CLUL1: variants seen among roughly 807,000 people sequenced by gnomAD.
CLUL1 encodes clusterin-like protein 1.
A neutral mutation model predicts 49.4 loss-of-function variants in CLUL1; 43 were observed. That is an observed-to-expected ratio of 0.87 (90% CI 0.68 to 1.12). CLUL1 has a LOEUF of 1.12. Among genes scored for constraint, CLUL1 ranks in the 50% most tolerant of loss-of-function variants. The probability of loss-of-function intolerance (pLI) is 0.00; values close to 1 mark genes in which losing one functional copy is unlikely to be tolerated. For missense variants in CLUL1, 486 were observed against 544.4 expected (o/e 0.89, Z 1.07); for synonymous variants, 192 against 184.9 (o/e 1.04, Z -0.31).
chr18:616,348 G>T (rs476590), intron 2 of CLUL1, among the ~76,000 whole-genome samples: 1 of 152,172 alleles, frequency 6.6e-6, no homozygotes, highest in African/African-American at 2.4e-5. Context: ...TACACTTTTC[G>T]AACTGTTTTA....
chr18:600,183 G>A (rs1307364573), intron 1 of CLUL1, among the ~76,000 whole-genome samples: 2 of 149,488 alleles, frequency 1.3e-5, no homozygotes, highest in Admixed American at 6.7e-5. Context: ...ACCAAGATTC[G>A]AACAATCCAT....
chr18:629,976 C>T lies in CLUL1; in HGVS notation c.856+2447C>T, dbSNP rs2073942592. On this transcript the variant is annotated intron_variant, in intron 6 of 9. Coordinates refer to ENST00000692774, the MANE Select transcript of CLUL1 (RefSeq NM_001393344.1). Reference sequence around the variant, plus strand: ...TGACTTGACACTTTGAGTTTTGCCCCTTGTGGTAGGCAAAATAATGACTGC... The same window carrying T: ...TGACTTGACACTTTGAGTTTTGCCCTTTGTGGTAGGCAAAATAATGACTGC... Among the ~76,000 whole-genome samples the T allele has an allele frequency of 2.0e-5, 3 of 152,210 alleles. No individual in the cohort carries two copies. In the South Asian group the frequency reaches 6.2e-4, roughly 32 times the overall value.
intron 9 of CLUL1, among the ~76,000 whole-genome samples, chr18:648,708 T>A (rs540566476): frequency 1.3e-5 from 2 of 152,276 alleles, no homozygotes; most frequent in East Asian, 3.9e-4. Flanking sequence ...CCAGGCAGGA[T>A]TGCAGTGGCA....
At position 624,923 on chromosome 18, in the gene CLUL1, G is replaced by A; in HGVS notation, c.314G>A (p.Cys105Tyr). Reference sequence around the variant, plus strand: ...CATCTGGAGGAAGAAGAAAGGCTATGCCGGGAGTCTTTGGCAGATTCCTGG... The same window carrying A: ...CATCTGGAGGAAGAAGAAAGGCTATACCGGGAGTCTTTGGCAGATTCCTGG... ...QEHLEEEERL[C>Y]RESLADSWGE... Residue 105 changes from cysteine to tyrosine, a missense_variant, in exon 5 of 10, where the codon TGC becomes TAC. By Grantham distance (194) the Cys-to-Tyr change is radical. Coordinates refer to ENST00000692774, the MANE Select transcript of CLUL1 (RefSeq NM_001393344.1). The A allele has an allele frequency of 1.2e-6, 2 of 1,614,168 alleles. No homozygotes were observed. Among genetic ancestry groups the A allele is most frequent in the Non-Finnish European group, 1.7e-6 (2 of 1,180,004 alleles).
intron 9 of CLUL1, among the ~76,000 whole-genome samples, chr18:646,894 C>T (rs1210169826): frequency 5.3e-5 from 8 of 151,792 alleles, no homozygotes; most frequent in African/African-American, 1.7e-4. Context: ...GGATTACAGG[C>T]GCACACCACC....
In CLUL1 at chr18:649,794, A is replaced by G. The variant is rs1445356897; in HGVS notation, c.1398-104A>G. ...ATTTTTCCAAAAGCCAACAGCAGGT[A>G]TTCTATTACCCATCCTGGACTTTTA... On this transcript the variant is annotated intron_variant, in intron 9 of 9. Coordinates refer to ENST00000692774, the MANE Select transcript of CLUL1 (RefSeq NM_001393344.1). 9.2e-6 allele frequency: 7 copies of G among 758,718 alleles called. No homozygotes were observed. The East Asian group carries it at 1.8e-4, about 19-fold the overall frequency. The allele number at this position is 758,718 out of a possible 1,614,324, so 47.0% of individuals were successfully genotyped here. A position where few individuals can be genotyped will look rare whatever the true frequency, so the allele number is the denominator to read the frequency against.
chr18:613,579 C>T (rs943846289), intron 2 of CLUL1, among the ~76,000 whole-genome samples: 6 of 151,542 alleles, frequency 4.0e-5, no homozygotes, highest in South Asian at 2.1e-4. Context: ...CTCAGCCTCC[C>T]GAGTAGCCAA....
intron 4 of CLUL1, among the ~76,000 whole-genome samples, chr18:623,202 T>G (rs887566281): frequency 6.6e-6 from 1 of 152,224 alleles, no homozygotes; most frequent in African/African-American, 2.4e-5. Context: ...CCAGCTAATT[T>G]TTGTATTTCT....
intron 4 of CLUL1, among the ~76,000 whole-genome samples, chr18:619,798 C>T (rs2073432205): frequency 1.3e-5 from 2 of 152,100 alleles, no homozygotes; most frequent in South Asian, 4.2e-4. Context: ...CAACCTCCAC[C>T]TCCTGGGTTC....
At chr18:623,655 A>G (rs1310822797) in intron 4 of CLUL1, among the ~76,000 whole-genome samples, 9 of 151,918 alleles carry the variant, frequency 5.9e-5, no homozygotes, top group Middle Eastern at 3.4e-3. Flanking sequence ...AAAAAAAAAA[A>G]AAAAAAAAAA....
At chr18:631,957 C>T (rs1451670570) in intron 6 of CLUL1, among the ~76,000 whole-genome samples, 2 of 152,178 alleles carry the variant, frequency 1.3e-5, no homozygotes, top group African/African-American at 4.8e-5. Context: ...ACTTTCTGGT[C>T]ACCAAAGGGG....
intron 2 of CLUL1, among the ~76,000 whole-genome samples, chr18:617,354 G>T (rs2073318388): frequency 6.6e-6 from 1 of 152,096 alleles, no homozygotes; most frequent in African/African-American, 2.4e-5. Flanking sequence ...CAGCACTTTG[G>T]GAGGCCGAGG....
In CLUL1 at chr18:606,672, T is replaced by C. The variant is rs1403713716; in HGVS notation, c.-135-306T>C. 2.0e-5 allele frequency among the ~76,000 whole-genome samples: 3 copies of C among 152,068 alleles called. No individual in the cohort carries two copies. Among genetic ancestry groups the C allele is most frequent in the Non-Finnish European group, 2.9e-5 (2 of 68,014 alleles). On this transcript the variant is annotated intron_variant, in intron 1 of 9. Transcript: ENST00000692774. This position sits in a 1 kb window ranked among gnomAD's most constrained non-coding sequence, Gnocchi z 4.1. ...TTCTTTCAGTGTAGCCAAAAGGCTA[T>C]TGGAGTCTTCTCAAATGAAAGAGAT... is the stretch of plus-strand genomic sequence containing the variant.
At chr18:621,442 A>C (rs2073485334) in intron 4 of CLUL1, among the ~76,000 whole-genome samples, 1 of 152,202 alleles carries the variant, frequency 6.6e-6, no homozygotes, top group Non-Finnish European at 1.5e-5. Flanking sequence ...TCTGGCAAGG[A>C]AAGGAGAATG....
chr18:618,189 G>T lies in CLUL1; in HGVS notation c.106+83G>T. The T allele has an allele frequency of 2.9e-6, 3 of 1,023,900 alleles. No individual in the cohort carries two copies. The highest frequency in any genetic ancestry group is 4.5e-6 in the Non-Finnish European group (3 of 659,400). The allele number at this position is 1,023,900 out of a possible 1,614,324, so 63.4% of individuals were successfully genotyped here. Reference sequence around the variant, plus strand: ...CGTTTATAGTGAGTCGCAGTTGAGAGATAACCATATTCGCTGTTTTCACGG... The same window carrying T: ...CGTTTATAGTGAGTCGCAGTTGAGATATAACCATATTCGCTGTTTTCACGG... On this transcript the variant is annotated intron_variant, in intron 3 of 9. Coordinates refer to ENST00000692774, the MANE Select transcript of CLUL1 (RefSeq NM_001393344.1). This position sits in a 1 kb window ranked among gnomAD's most constrained non-coding sequence, Gnocchi z 4.2.
intron 4 of CLUL1, among the ~76,000 whole-genome samples, chr18:624,205 G>A (rs933824807): frequency 1.3e-5 from 2 of 152,014 alleles, no homozygotes; most frequent in African/African-American, 4.8e-5. Context: ...ACAAGGGGGA[G>A]CACTGGGAAT....
At chr18:646,780 T>TC (rs1281119291) in intron 9 of CLUL1, among the ~76,000 whole-genome samples, 1 of 151,458 alleles carries the variant, frequency 6.6e-6, no homozygotes, top group Non-Finnish European at 1.5e-5. Flanking sequence ...GACAGAGTCT[T>TC]GTTCTGTCAC....
chr18:612,175 G>A (rs1029970372), intron 2 of CLUL1, among the ~76,000 whole-genome samples: 3 of 152,144 alleles, frequency 2.0e-5, no homozygotes, highest in African/African-American at 7.2e-5. Context: ...CAACAACAGT[G>A]GCCTTTTAAA....
chr18:625,514 G>A (rs1451846385), intron 5 of CLUL1, among the ~76,000 whole-genome samples: 1 of 100,588 alleles, frequency 9.9e-6, no homozygotes, highest in Non-Finnish European at 1.9e-5. Context: ...GCCTCCTTAT[G>A]CATAACACAC....
Sources: gnomAD v4.1 joint callset for allele counts (sites outside exome capture counted in the v4.1 genomes callset) on GRCh38, gnomAD v4.1.1 for gene constraint, Gnocchi (gnomAD v3.1) non-coding constraint, MANE v1.5 for transcripts, NCBI Gene and HGNC (gene_info 2026-07-23, HGNC 2026-07-21) for gene names.